Variants in KIR3DL2 observed in about 807,000 individuals in gnomAD.
KIR3DL2 encodes the protein killer cell immunoglobulin-like receptor 3DL2.
In KIR3DL2, 42 loss-of-function variants were observed where a neutral mutation model predicts 41.6. The ratio of observed to expected loss-of-function variants is 1.01; its 90% CI spans 0.79 to 1.31. The LOEUF is 1.31. Among genes scored for constraint, KIR3DL2 ranks in the 50% most tolerant of loss-of-function variants. The pLI, the probability that KIR3DL2 is intolerant of heterozygous loss-of-function variation, is 0.00. For missense variants in KIR3DL2, 728 were observed against 576.8 expected, an observed-to-expected ratio of 1.26 and a Z score of -2.68; for synonymous variants, 230 against 221.3, an observed-to-expected ratio of 1.04 and a Z score of -0.35.
At chr19:54,858,300 T>G (rs1331233192) in intron 5 of KIR3DL2, among the ~76,000 whole-genome samples, 1 of 151,010 alleles carries the variant, frequency 6.6e-6, no homozygotes, top group Admixed American at 6.6e-5. Flanking sequence ...TTTAATCCAT[T>G]TTCATTTGAT....
At chr19:54,856,918 T>A (rs2064827215) in intron 5 of KIR3DL2, among the ~76,000 whole-genome samples, 1 of 152,118 alleles carries the variant, frequency 6.6e-6, no homozygotes, top group East Asian at 1.9e-4. Flanking sequence ...TGTACTACAG[T>A]TCTCTATCCA....
At chr19:54,861,371 G>A (rs1189618324) in intron 6 of KIR3DL2, among the ~76,000 whole-genome samples, 2 of 152,098 alleles carry the variant, frequency 1.3e-5, no homozygotes, top group African/African-American at 4.8e-5. Flanking sequence ...ACAAGGCTGT[G>A]AACGGTGGCT....
At chr19:54,865,467 A>G (rs1333924553) in intron 6 of KIR3DL2, among the ~76,000 whole-genome samples, 1 of 152,068 alleles carries the variant, frequency 6.6e-6, no homozygotes, top group African/African-American at 2.4e-5. Context: ...TAACCCCATC[A>G]TGTGGGGCAG....
intron 6 of KIR3DL2, among the ~76,000 whole-genome samples, chr19:54,859,535 G>A (rs2065026220): frequency 1.3e-5 from 2 of 151,852 alleles, no homozygotes; most frequent in Admixed American, 6.6e-5. Context: ...TGGTCATCAG[G>A]CAACCCTGGC....
intron 7 of KIR3DL2, 35 bp from the exon 8 acceptor site, chr19:54,866,335 C>T (rs752413243): frequency 1.9e-6 from 3 of 1,613,038 alleles, no homozygotes; most frequent in Admixed American, 3.3e-5. Flanking sequence ...CAGAAGGGCC[C>T]TCCAAGCGGT....
rs141858729 is a variant in KIR3DL2 at position 54,865,431 on chromosome 19, C to T, written c.1001-374C>T. ...AAGCTCTTTTTAACAACCAGCCCTCCGGGAACTAATAGAGGGGGAACTTGC... is the reference window on the plus strand; with the variant it reads ...AAGCTCTTTTTAACAACCAGCCCTCTGGGAACTAATAGAGGGGGAACTTGC... On this transcript the variant is annotated intron_variant, in intron 6 of 8. Transcript: ENST00000326321. Among the ~76,000 whole-genome samples, 47 of 152,014 alleles carry T rather than the reference C, an allele frequency of 3.1e-4. No homozygotes were observed. The East Asian group carries it at 8.1e-3, about 26-fold the overall frequency.
intron 6 of KIR3DL2, among the ~76,000 whole-genome samples, chr19:54,862,114 G>T (rs1251371576): frequency 6.6e-6 from 1 of 152,100 alleles, no homozygotes; most frequent in Non-Finnish European, 1.5e-5. Context: ...TGGAGGGGGT[G>T]GTCTTTCCCC....
intron 5 of KIR3DL2, among the ~76,000 whole-genome samples, chr19:54,857,152 C>T: frequency 7.4e-6 from 1 of 134,808 alleles, no homozygotes; most frequent in South Asian, 2.2e-4. Flanking sequence ...CAAAGTGGTG[C>T]GATCTTGGCT....
Position 54,856,794 on chromosome 19 carries a change from CT to C in KIR3DL2, c.949+883del, listed in dbSNP as rs373283734. Among the ~76,000 whole-genome samples the C allele has an allele frequency of 6.1e-3, 926 of 152,118 alleles. 8 individuals are homozygous for C. The highest frequency in any genetic ancestry group is 0.021 in the African/African-American group (886 of 41,452). On this transcript the variant is annotated intron_variant, in intron 5 of 8. Transcript: ENST00000326321. ...TACCTTCATGAGATCCACCTTTTAT[CT>C]CCTGCATGTGGTGAGAAATGGGAAT...
intron 1 of KIR3DL2, 33 bp from the exon 2 acceptor site, chr19:54,851,187 A>G (rs1440290191): frequency 2.2e-5 from 35 of 1,609,724 alleles, no homozygotes; most frequent in Non-Finnish European, 2.9e-5. Flanking sequence ...GTTTGCCTGC[A>G]GTTGGATCGT....
chr19:54,863,727 T>G (rs1169083582), intron 6 of KIR3DL2, among the ~76,000 whole-genome samples: 2 of 152,054 alleles, frequency 1.3e-5, no homozygotes, highest in African/African-American at 4.8e-5. Context: ...TGTAAATTTG[T>G]TTGAGTTCAT....
intron 5 of KIR3DL2, among the ~76,000 whole-genome samples, chr19:54,857,523 A>G (rs1781631617): frequency 7.0e-6 from 1 of 142,142 alleles, no homozygotes; most frequent in South Asian, 2.3e-4. Flanking sequence ...TGTCTTGCAG[A>G]TAAAAGCCAT....
chr19:54,859,698 C>T (rs1601797009), intron 6 of KIR3DL2, among the ~76,000 whole-genome samples: 3 of 151,646 alleles, frequency 2.0e-5, no homozygotes, highest in Admixed American at 1.3e-4. Context: ...CCACAAGATT[C>T]GTGTGTGAAA....
At chr19:54,850,681 G>A (rs2145526452) in intron 1 of KIR3DL2, among the ~76,000 whole-genome samples, 172 bp downstream of exon 1, 1 of 147,976 alleles carries the variant, frequency 6.8e-6, no homozygotes, top group Middle Eastern at 3.6e-3. Context: ...ATATGGGCCT[G>A]GAGGGGAGAT....
At chr19:54,853,071 C>G (rs2064423940) in intron 3 of KIR3DL2, among the ~76,000 whole-genome samples, 1 of 151,222 alleles carries the variant, frequency 6.6e-6, no homozygotes, top group African/African-American at 2.5e-5. Flanking sequence ...GACAACACCA[C>G]TGCACTCCAG....
At chr19:54,861,211 G>A (rs12608800) in intron 6 of KIR3DL2, among the ~76,000 whole-genome samples, 26,434 of 130,206 alleles carry the variant, frequency 0.2, 2,942 homozygotes, top group East Asian at 0.59. Flanking sequence ...GGAAAGGCTT[G>A]CTGGGTTTAA....
chr19:54,853,673 C>A, intron 3 of KIR3DL2, 74 bp from the exon 4 acceptor site: 5 of 1,537,696 alleles, frequency 3.3e-6, no homozygotes, highest in South Asian at 1.1e-5. Context: ...GGAGGGGAAC[C>A]CTCACTCATT....
intron 5 of KIR3DL2, among the ~76,000 whole-genome samples, chr19:54,858,581 T>C (rs1342596429): frequency 1.3e-5 from 2 of 151,136 alleles, no homozygotes; most frequent in Non-Finnish European, 2.9e-5. Context: ...ATACAAAAAT[T>C]AGCTGAGCAT....
chr19:54,856,444 GC>G (rs1303924475), intron 5 of KIR3DL2, among the ~76,000 whole-genome samples: 3 of 151,694 alleles, frequency 2.0e-5, no homozygotes, highest in Non-Finnish European at 4.4e-5. Flanking sequence ...GCTTTGAGAG[GC>G]CAAGAAAGGT....
Sources: gnomAD v4.1 joint callset for allele counts (sites outside exome capture counted in the v4.1 genomes callset) on GRCh38, gnomAD v4.1.1 for gene constraint, MANE v1.5 for transcripts, NCBI Gene and HGNC (gene_info 2026-07-23, HGNC 2026-07-21) for gene names.